UGT1A10: variants seen among roughly 807,000 people sequenced by gnomAD.
UGT1A10 encodes UDP glucuronosyltransferase family 1 member A10.
Under a neutral mutation model 45.8 loss-of-function variants are expected in UGT1A10, and 49 were observed. The observed-to-expected ratio is 1.07, with a 90% CI of 0.85 to 1.36. UGT1A10 has a LOEUF of 1.36. Among genes scored for constraint, UGT1A10 ranks in the 40% most tolerant of loss-of-function variants. The pLI is 0.00. For missense variants in UGT1A10, 745 were observed against 668.6 expected, an observed-to-expected ratio of 1.11 and a Z score of -1.26; for synonymous variants, 284 against 249.7, an observed-to-expected ratio of 1.14 and a Z score of -1.29.
intron 1 of UGT1A10, among the ~76,000 whole-genome samples, chr2:233,715,727 A>T (rs2076466166): frequency 6.6e-6 from 1 of 152,216 alleles, no homozygotes; most frequent in Non-Finnish European, 1.5e-5. Flanking sequence ...TGCCATGTTC[A>T]CGCCACCTCA....
chr2:233,716,282 A>G (rs2076495752), intron 1 of UGT1A10, among the ~76,000 whole-genome samples: 1 of 152,186 alleles, frequency 6.6e-6, no homozygotes, highest in African/African-American at 2.4e-5. Context: ...AACCCTTAAT[A>G]TAATCACATC....
At position 233,636,742 on chromosome 2, in the gene UGT1A10, G is replaced by A. The variant is rs371744958; in HGVS notation, c.220G>A (p.Val74Met). Reference protein sequence around the residue: ...WQLERSLNCTVKTYSTSYTLE... With the variant: ...WQLERSLNCTMKTYSTSYTLE... ...ACTGGAAAGATCACTGAATTGCACA[G>A]TGAAGACTTACTCAACCTCGTACAC... Residue 74 changes from valine to methionine, a missense_variant, in exon 1 of 5, where the codon GTG (valine) becomes ATG (methionine). Transcript: ENST00000344644. 17 of 1,614,088 alleles carry A rather than the reference G, an allele frequency of 1.1e-5. No individual in the cohort carries two copies. In the African/African-American group the frequency reaches 2.3e-4, roughly 22 times the overall value.
intron 1 of UGT1A10, among the ~76,000 whole-genome samples, chr2:233,696,359 A>C (rs1559348526): frequency 6.6e-6 from 1 of 152,044 alleles, no homozygotes; most frequent in Non-Finnish European, 1.5e-5. Flanking sequence ...CCTTCCTTAA[A>C]TTTATTCCTA....
intron 1 of UGT1A10, chr2:233,718,964 G>C: frequency 6.2e-7 from 1 of 1,614,222 alleles, no homozygotes; most frequent in Non-Finnish European, 8.5e-7. Flanking sequence ...GGGAGGCCTT[G>C]CGGGAGCTCC....
intron 1 of UGT1A10, among the ~76,000 whole-genome samples, chr2:233,742,483 C>T (rs1442583410): frequency 6.6e-6 from 1 of 151,916 alleles, no homozygotes; most frequent in African/African-American, 2.4e-5. Context: ...TCACAACCTT[C>T]AGCATAGGCA....
intron 1 of UGT1A10, among the ~76,000 whole-genome samples, chr2:233,732,777 G>A: frequency 7.1e-6 from 1 of 141,314 alleles, no homozygotes; most frequent in Non-Finnish European, 1.5e-5. Flanking sequence ...TTTTTGCTTA[G>A]GATTGTCTTG....
At chr2:233,715,699 G>A (rs1160022726) in intron 1 of UGT1A10, among the ~76,000 whole-genome samples, 1 of 152,162 alleles carries the variant, frequency 6.6e-6, no homozygotes, top group Non-Finnish European at 1.5e-5. Flanking sequence ...TTGATCCCAG[G>A]AGGTGGAGGC....
intron 1 of UGT1A10, among the ~76,000 whole-genome samples, chr2:233,725,079 C>G (rs370992455): frequency 6.2e-5 from 9 of 144,294 alleles, no homozygotes; most frequent in East Asian, 2.1e-4. Flanking sequence ...CGCAGGCACT[C>G]GGCAGGCTGA....
intron 1 of UGT1A10, chr2:233,718,138 CCTCA>C: frequency 1.7e-5 from 4 of 236,468 alleles, no homozygotes; most frequent in South Asian, 5.8e-5. Context: ...GATGGAGAAT[CCTCA>C]ATAAAGCCTT....
At chr2:233,718,362 C>T (rs1203132382) in intron 1 of UGT1A10, among the ~76,000 whole-genome samples, 5 of 152,178 alleles carry the variant, frequency 3.3e-5, no homozygotes, top group Non-Finnish European at 7.4e-5. Flanking sequence ...CTGTGTTATT[C>T]ACATATGAGA....
chr2:233,645,335 A>G (rs1429719426), intron 1 of UGT1A10, among the ~76,000 whole-genome samples: 3 of 152,168 alleles, frequency 2.0e-5, no homozygotes, highest in Admixed American at 6.5e-5. Context: ...CAGCCAAACC[A>G]TATGATTCCA....
chr2:233,719,574 G>A (rs2076782937), intron 1 of UGT1A10: 1 of 1,613,926 alleles, frequency 6.2e-7, no homozygotes, highest in Non-Finnish European at 8.5e-7. Context: ...TGTCAGCTAT[G>A]CATCCGTGTG....
At chr2:233,737,829 G>A (rs1202229926) in intron 1 of UGT1A10, among the ~76,000 whole-genome samples, 2 of 151,976 alleles carry the variant, frequency 1.3e-5, no homozygotes, top group Admixed American at 6.6e-5. Context: ...AACAAATTGG[G>A]AACTGTGGCA....
At chr2:233,671,874 CCACCTACTGTATCATAGGAGCTTA>C in intron 1 of UGT1A10, 1 of 1,524,256 alleles carries the variant, frequency 6.6e-7, no homozygotes, top group Non-Finnish European at 8.8e-7. Context: ...GGTATTTCTC[CCACCTACTGTATCATAGGAGCTTA>C]GATTCCCAGC....
chr2:233,717,972 C>A, intron 1 of UGT1A10: 1 of 447,844 alleles, frequency 2.2e-6, no homozygotes, highest in Non-Finnish European at 4.5e-6. Flanking sequence ...CTTTGGCATT[C>A]AGAAGAGGAA....
chr2:233,656,860 C>T (rs1012074104), intron 1 of UGT1A10, among the ~76,000 whole-genome samples: 4 of 152,004 alleles, frequency 2.6e-5, no homozygotes, highest in African/African-American at 9.7e-5. Flanking sequence ...TCCTGGGCAT[C>T]CCTATTAAGA....
chr2:233,643,280 C>T (rs766689929), intron 1 of UGT1A10, among the ~76,000 whole-genome samples: 9 of 152,134 alleles, frequency 5.9e-5, no homozygotes, highest in Admixed American at 1.3e-4. Context: ...GCAGTCCTTC[C>T]CATTCTTCCC....
At chr2:233,741,895 C>T (rs1371352009) in intron 1 of UGT1A10, 1 of 151,808 alleles carries the variant, frequency 6.6e-6, no homozygotes, top group African/African-American at 2.4e-5. Flanking sequence ...GAAGAAGGGA[C>T]CCTTTGTGAT....
At chr2:233,718,115 A>C (rs571741074) in intron 1 of UGT1A10, 31 of 307,724 alleles carry the variant, frequency 1.0e-4, no homozygotes, top group Middle Eastern at 2.3e-3. Flanking sequence ...AGCACCTCTT[A>C]TTCCATGGTG....
Sources: gnomAD v4.1 joint callset for allele counts (sites outside exome capture counted in the v4.1 genomes callset) on GRCh38, gnomAD v4.1.1 for gene constraint, MANE v1.5 for transcripts, NCBI Gene and HGNC (gene_info 2026-07-23, HGNC 2026-07-21) for gene names.